The following MTHFD2L variants were observed in gnomAD, a reference collection of about 807,000 sequenced individuals.
The protein encoded by MTHFD2L is methylenetetrahydrofolate dehydrogenase (NADP+ dependent) 2 like, also known as bifunctional methylenetetrahydrofolate dehydrogenase/cyclohydrolase 2, mitochondrial.
In MTHFD2L, 29 loss-of-function variants were observed where a neutral mutation model predicts 34.9. The observed-to-expected ratio is 0.83, with a 90% CI of 0.62 to 1.13. MTHFD2L has a LOEUF of 1.13. MTHFD2L is among the 50% of genes most tolerant of loss of function. The pLI is 0.00. For synonymous variants in MTHFD2L, 167 were observed against 155.7 expected, an observed-to-expected ratio of 1.07 and a Z score of -0.54; for missense variants, 481 against 446.5, an observed-to-expected ratio of 1.08 and a Z score of -0.70.
chr4:74,179,812 C>G (rs936614450), intron 3 of MTHFD2L, among the ~76,000 whole-genome samples: 10 of 151,984 alleles, frequency 6.6e-5, no homozygotes, highest in Non-Finnish European at 1.3e-4. Context: ...CTTTCTGGAG[C>G]CCACTGATTG....
At chr4:74,114,908 A>C (rs1372774674) in intron 2 of MTHFD2L, among the ~76,000 whole-genome samples, 1 of 152,210 alleles carries the variant, frequency 6.6e-6, no homozygotes, top group African/African-American at 2.4e-5. Context: ...AAGAAGGATT[A>C]TTAGCCCTTG....
intron 3 of MTHFD2L, chr4:74,194,811 G>A (rs946541792): frequency 6.6e-6 from 1 of 152,034 alleles, no homozygotes; most frequent in Non-Finnish European, 1.5e-5. Flanking sequence ...CAATCCAGTT[G>A]TTTCTGTACC....
chr4:74,290,618 A>G (rs981114014), intron 7 of MTHFD2L, among the ~76,000 whole-genome samples: 8 of 152,076 alleles, frequency 5.3e-5, no homozygotes, highest in Non-Finnish European at 7.4e-5. Flanking sequence ...GTGAATTGCC[A>G]AGCATAATGC....
chr4:74,140,504 T>G, intron 1 of MTHFD2L: 2 of 900,912 alleles, frequency 2.2e-6, no homozygotes. Flanking sequence ...TTTTCTCAAT[T>G]ATATATTTTT....
intron 6 of MTHFD2L, among the ~76,000 whole-genome samples, chr4:74,243,504 A>T (rs1741995496): frequency 6.6e-6 from 1 of 151,896 alleles, no homozygotes; most frequent in Non-Finnish European, 1.5e-5. Context: ...ATTTTTAAAA[A>T]CAAATATTTG....
At chr4:74,260,770 T>C (rs181884498) in intron 6 of MTHFD2L, among the ~76,000 whole-genome samples, 21 of 152,196 alleles carry the variant, frequency 1.4e-4, no homozygotes, top group African/African-American at 4.8e-4. Flanking sequence ...TGTTCTAGTC[T>C]TATTACAAAT....
chr4:74,273,036 T>G (rs1450841082), intron 6 of MTHFD2L, among the ~76,000 whole-genome samples: 1 of 152,172 alleles, frequency 6.6e-6, no homozygotes, highest in African/African-American at 2.4e-5. Context: ...AATCTTTGTA[T>G]TACGCCTTTT....
intron 1 of MTHFD2L, chr4:74,165,093 A>C: frequency 4.3e-6 from 2 of 460,210 alleles, no homozygotes; most frequent in Non-Finnish European, 5.7e-6. Context: ...AGGGGCACGA[A>C]TGTAATGAAA....
intron 7 of MTHFD2L, chr4:74,288,278 CCT>C (rs1225829672): frequency 1.3e-5 from 2 of 152,180 alleles, no homozygotes; most frequent in African/African-American, 4.8e-5. Context: ...TGAATTGCCT[CCT>C]CATTTATGTT....
At chr4:74,201,148 A>G (rs28479222) in intron 4 of MTHFD2L, 115 bp from the exon 5 acceptor site, 11,594 of 672,266 alleles carry the variant, frequency 0.017, 511 homozygotes, top group African/African-American at 0.13. Flanking sequence ...GATAAGCCAC[A>G]TAATAATTCA....
At chr4:74,271,137 T>C (rs1482361619) in intron 6 of MTHFD2L, among the ~76,000 whole-genome samples, 2 of 152,234 alleles carry the variant, frequency 1.3e-5, no homozygotes, top group African/African-American at 4.8e-5. Flanking sequence ...TTCACTCTAA[T>C]TGTAGTTTCT....
At chr4:74,128,444 G>A (rs1722232372) in intron 1 of MTHFD2L, among the ~76,000 whole-genome samples, 1 of 151,938 alleles carries the variant, frequency 6.6e-6, no homozygotes, top group South Asian at 2.1e-4. Context: ...TGGTTATCCA[G>A]TTTTCCCAGC....
chr4:74,272,541 A>G (rs1320964359), intron 6 of MTHFD2L, among the ~76,000 whole-genome samples: 1 of 151,220 alleles, frequency 6.6e-6, no homozygotes, highest in Non-Finnish European at 1.5e-5. Context: ...CTTTTTTGTC[A>G]GTGTTCTTTC....
Position 74,302,220 on chromosome 4 carries a change from A to G in MTHFD2L, c.*411A>G, listed in dbSNP as rs1293229842. The G allele has an allele frequency of 6.5e-6, 1 of 153,086 alleles. No individual in the cohort carries two copies. The highest frequency in any genetic ancestry group is 1.5e-5 in the Non-Finnish European group (1 of 68,672). 9.5% of individuals were successfully genotyped at this position (153,086 alleles called of 1,614,324 possible). On this transcript the variant is annotated 3_prime_UTR_variant, in exon 8 of 8. Coordinates refer to ENST00000325278, the MANE Select transcript of MTHFD2L (RefSeq NM_001144978.3). Reference sequence around the variant, plus strand: ...TTGCTACTTGCATGCTAACATTTTTAATGTATTTTATGATCTATGTCATAT... The same window carrying G: ...TTGCTACTTGCATGCTAACATTTTTGATGTATTTTATGATCTATGTCATAT...
Position 74,181,497 on chromosome 4 carries a change from G to A in MTHFD2L, c.451+6094G>A, listed in dbSNP as rs181089587. On this transcript the variant is annotated intron_variant, in intron 3 of 7. Coordinates refer to ENST00000325278, the MANE Select transcript of MTHFD2L (RefSeq NM_001144978.3). The stretch of plus-strand genomic sequence containing the variant: ...TCACTCAGTGAGTAAGTACCAGAGC[G>A]TTGTCAAGAGAACCAAGTGTAGCAT... Among the ~76,000 whole-genome samples, 10 of 152,280 alleles carry A rather than the reference G, an allele frequency of 6.6e-5. No homozygotes were observed. In the East Asian group the frequency reaches 1.5e-3, roughly 24 times the overall value.
At chr4:74,190,873 G>T (rs181939967) in intron 3 of MTHFD2L, among the ~76,000 whole-genome samples, 91 of 152,208 alleles carry the variant, frequency 6.0e-4, no homozygotes, top group African/African-American at 2.1e-3. Context: ...CAAGAATTTT[G>T]TCTGTTTGCC....
At chr4:74,201,611 A>G (rs1444142574) in intron 5 of MTHFD2L, among the ~76,000 whole-genome samples, 1 of 151,410 alleles carries the variant, frequency 6.6e-6, no homozygotes, top group Admixed American at 6.6e-5. Context: ...TAAATAATTA[A>G]CAATTAGACA....
chr4:74,203,629 G>A (rs1307499962), intron 5 of MTHFD2L, among the ~76,000 whole-genome samples: 1 of 152,074 alleles, frequency 6.6e-6, no homozygotes, highest in East Asian at 1.9e-4. Context: ...AGATGGGGGA[G>A]GTGCCATACA....
chr4:74,287,528 C>G (rs964828131), intron 7 of MTHFD2L, among the ~76,000 whole-genome samples: 1 of 152,120 alleles, frequency 6.6e-6, no homozygotes, highest in African/African-American at 2.4e-5. Context: ...GTGTGGATCA[C>G]TTGAGGTCAG....
Sources: gnomAD v4.1 joint callset for allele counts (sites outside exome capture counted in the v4.1 genomes callset) on GRCh38, gnomAD v4.1.1 for gene constraint, MANE v1.5 for transcripts, NCBI Gene and HGNC (gene_info 2026-07-23, HGNC 2026-07-21) for gene names.